FBRSL1: variants seen among roughly 807,000 people sequenced by gnomAD.
FBRSL1 encodes the protein fibrosin like 1, also known as fibrosin-1-like protein.
Under a neutral mutation model 89.6 loss-of-function variants are expected in FBRSL1, and 51 were observed. The ratio of observed to expected loss-of-function variants is 0.57; its 90% confidence interval spans 0.45 to 0.72. The LOEUF (loss-of-function observed/expected upper bound fraction) is 0.72, where lower values mean the gene tolerates loss of function less well. FBRSL1 is among the 30% of genes least tolerant of loss of function. The probability of loss-of-function intolerance (pLI) is 0.00; values close to 1 mark genes in which losing one functional copy is unlikely to be tolerated. For synonymous variants in FBRSL1, 779 were observed against 681.1 expected (o/e 1.14, Z -2.24); for missense variants, 1,618 against 1,451.8 (o/e 1.11, Z -1.86).
In FBRSL1 at chr12:132,583,502, G is replaced by T. The variant is rs1342877072; in HGVS notation, c.2733G>T (p.Pro911=). The T allele has an allele frequency of 9.6e-7, 1 of 1,042,814 alleles. No individual in the cohort carries two copies. Among genetic ancestry groups the T allele is most frequent in the Non-Finnish European group, 1.2e-6 (1 of 866,722 alleles). 64.6% of individuals were successfully genotyped at this position (1,042,814 alleles called of 1,614,324 possible). The change falls in exon 19 of 19, where the codon CCG becomes CCT. Residue 911 remains proline (P), a synonymous_variant. Coordinates refer to ENST00000680143, the MANE Select transcript of FBRSL1 (RefSeq NM_001367871.1). ...AGCGCGCGCGGGCCCCGCACCTGCC[G>T]CCCGCCGCCCCCGCCTTGGACGGCG... ...ELERARAPHL[P]PAAPALDGAL... is the part of the protein sequence containing the mutation.
intron 2 of FBRSL1, among the ~76,000 whole-genome samples, chr12:132,523,880 A>C (rs1271266296): frequency 6.6e-6 from 1 of 152,142 alleles, no homozygotes; most frequent in Non-Finnish European, 1.5e-5. Flanking sequence ...AGGTGGACAG[A>C]ACCCCTGATG....
chr12:132,537,780 A>C (rs2036886445), intron 4 of FBRSL1, among the ~76,000 whole-genome samples: 1 of 152,206 alleles, frequency 6.6e-6, no homozygotes, highest in South Asian at 2.1e-4. Flanking sequence ...GGCCGCCCAC[A>C]CGTGTGCCTG....
chr12:132,550,717 A>T, intron 5 of FBRSL1: 1 of 152,838 alleles, frequency 6.5e-6, no homozygotes, highest in Non-Finnish European at 1.5e-5. Flanking sequence ...AGCCGGCAGC[A>T]GGAGTTTCCG....
chr12:132,571,887 G>T (rs948290163), intron 9 of FBRSL1: 1 of 333,326 alleles, frequency 3.0e-6, no homozygotes, highest in Non-Finnish European at 5.5e-6. Flanking sequence ...CGGAGGCCCG[G>T]TCTGAGGAGG....
intron 2 of FBRSL1, chr12:132,510,182 C>T: frequency 8.1e-7 from 1 of 1,231,532 alleles, no homozygotes; most frequent in Non-Finnish European, 1.0e-6. Flanking sequence ...CGCTCATGGG[C>T]CCCAACAAGC....
chr12:132,535,452 G>A (rs769714984), intron 4 of FBRSL1, among the ~76,000 whole-genome samples: 37 of 152,264 alleles, frequency 2.4e-4, no homozygotes, highest in African/African-American at 3.6e-4. Flanking sequence ...CCTCTGAGGC[G>A]GGATGGGGCC....
chr12:132,572,764 G>C, intron 11 of FBRSL1, 142 bp downstream of exon 11: 1 of 669,806 alleles, frequency 1.5e-6, no homozygotes. Context: ...GTGCTGGCGT[G>C]AGCAGCCCCT....
chr12:132,557,949 G>A (rs1342193856), intron 5 of FBRSL1, among the ~76,000 whole-genome samples: 2 of 152,204 alleles, frequency 1.3e-5, no homozygotes, highest in Non-Finnish European at 2.9e-5. Context: ...AGAGGGGACT[G>A]GGGATGGCAT....
rs1009527900 is a variant in FBRSL1, at chr12:132,499,556, C to T, written c.292-8597C>T. On this transcript the variant is annotated intron_variant, in intron 1 of 18. Transcript: ENST00000680143. This position sits in a 1 kb window ranked among gnomAD's most constrained non-coding sequence, Gnocchi z 4.3. ...AGGCTAGGAGTCACAGAGGAGGCCA[C>T]GAGGGCTTCTGGGGAAGAGTGCAGG... Among the ~76,000 whole-genome samples the T allele has an allele frequency of 4.6e-5, 7 of 152,136 alleles. No homozygotes were observed. The highest frequency in any genetic ancestry group is 2.1e-4 in the South Asian group (1 of 4,832).
At chr12:132,493,411 G>C (rs921974280) in intron 1 of FBRSL1, among the ~76,000 whole-genome samples, 1 of 152,220 alleles carries the variant, frequency 6.6e-6, no homozygotes, top group East Asian at 1.9e-4. Flanking sequence ...ACCAAACACA[G>C]GTGTAGACTT....
chr12:132,516,608 C>G (rs1028500236), intron 2 of FBRSL1, among the ~76,000 whole-genome samples: 2 of 152,206 alleles, frequency 1.3e-5, no homozygotes, highest in Non-Finnish European at 2.9e-5. Flanking sequence ...CACTTGAAGT[C>G]TTTTCTGATC....
chr12:132,526,772 G>A (rs1245726956), intron 3 of FBRSL1, among the ~76,000 whole-genome samples: 1 of 152,124 alleles, frequency 6.6e-6, no homozygotes. Context: ...CACTCCTCAG[G>A]GGGCTCTGGA....
chr12:132,529,174 G>A (rs536004427), intron 4 of FBRSL1, among the ~76,000 whole-genome samples: 1 of 152,318 alleles, frequency 6.6e-6, no homozygotes, highest in Non-Finnish European at 1.5e-5. Context: ...AAATTTCCAG[G>A]CCGTAGAGGC....
intron 2 of FBRSL1, among the ~76,000 whole-genome samples, chr12:132,515,653 A>G (rs1228079302): frequency 1.3e-5 from 2 of 152,088 alleles, no homozygotes; most frequent in Non-Finnish European, 1.5e-5. Flanking sequence ...TAATCCCAGC[A>G]CTTTGGGACC....
chr12:132,572,102 C>T, intron 9 of FBRSL1, 186 bp from the exon 10 acceptor site: 1 of 602,898 alleles, frequency 1.7e-6, no homozygotes, highest in Non-Finnish European at 2.9e-6. Context: ...CCGCCCTGGT[C>T]TGAGACTGAG....
At chr12:132,502,881 G>A (rs1325364688) in intron 1 of FBRSL1, among the ~76,000 whole-genome samples, 1 of 124,636 alleles carries the variant, frequency 8.0e-6, no homozygotes, top group African/African-American at 3.0e-5. Flanking sequence ...TCCTGTCCCC[G>A]CCCTCTCCTG....
Position 132,582,171 on chromosome 12 carries a change from T to TCCGCCC in FBRSL1, c.2110_2115dup (p.Pro704_Pro705dup). On this transcript the variant is annotated inframe_insertion, in exon 18 of 19. Coordinates refer to ENST00000680143, the MANE Select transcript of FBRSL1 (RefSeq NM_001367871.1). The stretch of plus-strand genomic sequence containing the variant: ...ACCGGGCACCGCCCTCCTTCCCGGC[T>TCCGCCC]CCGCCCCCGTGGCCCAAGTCCGTGG... 1 of 1,549,944 alleles carries TCCGCCC rather than the reference T, an allele frequency of 6.5e-7. No homozygotes were observed. Among genetic ancestry groups the TCCGCCC allele is most frequent in the Non-Finnish European group, 8.7e-7 (1 of 1,146,796 alleles).
intron 1 of FBRSL1, among the ~76,000 whole-genome samples, chr12:132,498,482 C>T (rs916391021): frequency 1.3e-5 from 2 of 152,226 alleles, no homozygotes; most frequent in Admixed American, 6.5e-5. Flanking sequence ...CCTCCACTCT[C>T]ATCCTACAGA....
intron 4 of FBRSL1, among the ~76,000 whole-genome samples, chr12:132,530,037 C>T (rs1032785886): frequency 2.0e-5 from 3 of 152,050 alleles, no homozygotes; most frequent in East Asian, 1.9e-4. Context: ...GACACTCCTC[C>T]GCCCTTCCCA....
Sources: gnomAD v4.1 joint callset for allele counts (sites outside exome capture counted in the v4.1 genomes callset) on GRCh38, gnomAD v4.1.1 for gene constraint, Gnocchi (gnomAD v3.1) non-coding constraint, MANE v1.5 for transcripts, NCBI Gene and HGNC (gene_info 2026-07-23, HGNC 2026-07-21) for gene names.